The following ARHGAP28 variants were observed in gnomAD, a reference collection of about 807,000 sequenced individuals.
The protein encoded by ARHGAP28 is rho GTPase-activating protein 28.
A neutral mutation model predicts 90.7 loss-of-function variants in ARHGAP28; 56 were observed. The observed-to-expected ratio is 0.62, with a 90% CI of 0.50 to 0.77. The LOEUF is 0.77. ARHGAP28 is among the 30% of genes least tolerant of loss of function. The probability of loss-of-function intolerance (pLI) is 0.00; values close to 1 mark genes in which losing one functional copy is unlikely to be tolerated. For missense variants in ARHGAP28, 869 were observed against 900.9 expected (o/e 0.96, Z 0.45); for synonymous variants, 308 against 323.3 (o/e 0.95, Z 0.51).
rs1399987099 is a variant in ARHGAP28, at chr18:6,912,860, G to C, written c.*706G>C. The C allele has an allele frequency of 6.6e-6, 1 of 152,212 alleles. No homozygotes were observed. Among genetic ancestry groups the C allele is most frequent in the Non-Finnish European group, 1.5e-5 (1 of 68,034 alleles). 9.4% of individuals were successfully genotyped at this position (152,212 alleles called of 1,614,324 possible). On this transcript the variant is annotated 3_prime_UTR_variant, in exon 18 of 18. Coordinates refer to ENST00000383472, the MANE Select transcript of ARHGAP28 (RefSeq NM_001366230.1). ...TCTTCTATGAGCACAGGTCCTCCTA[G>C]TGAAGCTTAGTTTGACAAAGGGTGT...
Position 6,876,217 on chromosome 18 carries a change from C to A in ARHGAP28, c.1290+9C>A, listed in dbSNP as rs2057129894. 6.2e-7 allele frequency: 1 copy of A among 1,611,300 alleles called. No homozygotes were observed. Among genetic ancestry groups the A allele is most frequent in the Admixed American group, 1.7e-5 (1 of 59,984 alleles). ...GTACTGCTAAAGTCAAGGTACCGAACATTTTGTCTCTTCCTAGGTAGAGTT... is the reference window on the plus strand; with the variant it reads ...GTACTGCTAAAGTCAAGGTACCGAAAATTTTGTCTCTTCCTAGGTAGAGTT... On this transcript the variant is annotated intron_variant, in intron 10 of 17. Coordinates refer to ENST00000383472, the MANE Select transcript of ARHGAP28 (RefSeq NM_001366230.1).
intron 4 of ARHGAP28, among the ~76,000 whole-genome samples, chr18:6,855,105 C>T (rs953351670): frequency 1.3e-5 from 2 of 152,190 alleles, no homozygotes; most frequent in African/African-American, 4.8e-5. Context: ...CTGGGCACTG[C>T]GGATGGCATG....
intron 4 of ARHGAP28, among the ~76,000 whole-genome samples, chr18:6,857,004 C>T (rs1028189307): frequency 2.0e-5 from 3 of 152,112 alleles, no homozygotes; most frequent in Admixed American, 6.5e-5. Flanking sequence ...TGATGATGGA[C>T]ATTTGGATTG....
intron 1 of ARHGAP28, among the ~76,000 whole-genome samples, chr18:6,780,925 G>A (rs1343824874): frequency 6.6e-6 from 1 of 151,140 alleles, no homozygotes. Context: ...AATCAGTCTT[G>A]TAATGCCCAT....
At chr18:6,875,996 T>G in intron 9 of ARHGAP28, 135 bp from the exon 10 acceptor site, 1 of 704,056 alleles carries the variant, frequency 1.4e-6, no homozygotes. Flanking sequence ...TTATGAACAT[T>G]TAACACAGCA....
chr18:6,788,835 C>T (rs191544048), intron 1 of ARHGAP28: 1 of 152,136 alleles, frequency 6.6e-6, no homozygotes, highest in East Asian at 1.9e-4. Context: ...CAAAGATGAC[C>T]AAGATACAGT....
intron 6 of ARHGAP28, among the ~76,000 whole-genome samples, chr18:6,868,743 G>T (rs1313477365): frequency 6.6e-6 from 1 of 152,004 alleles, no homozygotes; most frequent in Non-Finnish European, 1.5e-5. Context: ...CCATATTTTT[G>T]TGATTTCTCA....
chr18:6,856,340 A>G (rs1000856739), intron 4 of ARHGAP28, among the ~76,000 whole-genome samples: 2 of 152,176 alleles, frequency 1.3e-5, no homozygotes, highest in African/African-American at 2.4e-5. Flanking sequence ...TATTATAGCA[A>G]TATAATCTCA....
At chr18:6,870,280 A>T (rs1206993944) in intron 6 of ARHGAP28, among the ~76,000 whole-genome samples, 3 of 152,190 alleles carry the variant, frequency 2.0e-5, no homozygotes, top group African/African-American at 7.2e-5. Flanking sequence ...ATATAGAAAT[A>T]CCCTATTTTG....
rs75820601 is a variant in ARHGAP28 at position 6,870,780 on chromosome 18, T to C, written c.954+48T>C. On this transcript the variant is annotated intron_variant, in intron 7 of 17. Coordinates refer to ENST00000383472, the MANE Select transcript of ARHGAP28 (RefSeq NM_001366230.1). ...ATTCCAGGAACTTCCTGTGACTTCATAGGACAAAACTAAGATTTCTTTTTC... is the reference window on the plus strand; with the variant it reads ...ATTCCAGGAACTTCCTGTGACTTCACAGGACAAAACTAAGATTTCTTTTTC... 3.1e-3 allele frequency: 4,813 copies of C among 1,538,672 alleles called. 151 individuals carry two copies. The African/African-American group carries it at 0.06, about 19-fold the overall frequency.
chr18:6,872,726 G>T (rs906506545), intron 7 of ARHGAP28, among the ~76,000 whole-genome samples: 1 of 152,090 alleles, frequency 6.6e-6, no homozygotes, highest in Non-Finnish European at 1.5e-5. Context: ...TGCTGCTGTT[G>T]TTGTTTTAGT....
At chr18:6,809,687 T>G (rs2056542927) in intron 1 of ARHGAP28, among the ~76,000 whole-genome samples, 1 of 152,048 alleles carries the variant, frequency 6.6e-6, no homozygotes, top group Admixed American at 6.6e-5. Flanking sequence ...CTAGGGAGAC[T>G]AAACTATTAG....
At chr18:6,876,739 C>T (rs2057134062) in intron 10 of ARHGAP28, among the ~76,000 whole-genome samples, 1 of 152,202 alleles carries the variant, frequency 6.6e-6, no homozygotes, top group Non-Finnish European at 1.5e-5. Context: ...CTAGAATACT[C>T]ACTCAGCAGT....
intron 10 of ARHGAP28, among the ~76,000 whole-genome samples, chr18:6,879,568 C>A (rs2057160780): frequency 6.6e-6 from 1 of 152,152 alleles, no homozygotes; most frequent in Non-Finnish European, 1.5e-5. Flanking sequence ...CAGCTCTGTT[C>A]AGAACCAAAA....
intron 1 of ARHGAP28, among the ~76,000 whole-genome samples, chr18:6,773,415 C>G (rs2056258971): frequency 6.6e-6 from 1 of 152,176 alleles, no homozygotes; most frequent in South Asian, 2.1e-4. Context: ...ATAATGATAG[C>G]ATGATCTTTT....
intron 1 of ARHGAP28, among the ~76,000 whole-genome samples, chr18:6,762,011 T>G (rs1340908073): frequency 6.6e-6 from 1 of 152,196 alleles, no homozygotes; most frequent in Non-Finnish European, 1.5e-5. Flanking sequence ...ATTTTTACTT[T>G]GTCATCTCTG....
rs1321934834 is a variant in ARHGAP28 at position 6,913,210 on chromosome 18, C to T, written c.*1056C>T. 1.3e-5 allele frequency: 2 copies of T among 152,208 alleles called. No homozygotes were observed. The highest frequency in any genetic ancestry group is 2.9e-5 in the Non-Finnish European group (2 of 68,048). The allele number at this position is 152,208 out of a possible 1,614,324, so 9.4% of individuals were successfully genotyped here. On this transcript the variant is annotated 3_prime_UTR_variant, in exon 18 of 18. Transcript: ENST00000383472. The stretch of plus-strand genomic sequence containing the variant: ...CTGAGGCTTAAAATCAGATGCATGT[C>T]TGGTAAGATGACCACTGTCTCACTA...
At chr18:6,826,085 AAGCATTC>A (rs1304986767) in intron 2 of ARHGAP28, among the ~76,000 whole-genome samples, 1 of 151,260 alleles carries the variant, frequency 6.6e-6, no homozygotes, top group African/African-American at 2.4e-5. Flanking sequence ...AACAGTACTT[AAGCATTC>A]TCTTTTGTCT....
At chr18:6,853,744 G>A (rs1294248236) in intron 4 of ARHGAP28, among the ~76,000 whole-genome samples, 1 of 152,068 alleles carries the variant, frequency 6.6e-6, no homozygotes, top group Non-Finnish European at 1.5e-5. Context: ...CAAAGTCCTG[G>A]GATTACAGGC....
Sources: gnomAD v4.1 joint callset for allele counts (sites outside exome capture counted in the v4.1 genomes callset) on GRCh38, gnomAD v4.1.1 for gene constraint, MANE v1.5 for transcripts, NCBI Gene and HGNC (gene_info 2026-07-23, HGNC 2026-07-21) for gene names.